STAB2: variants seen among roughly 807,000 people sequenced by gnomAD.
The protein encoded by STAB2 is stabilin 2, also known as stabilin-2.
STAB2 carries 288 observed loss-of-function variants against 338.1 expected under a neutral mutation model. The observed-to-expected ratio is 0.85, with a 90% CI of 0.77 to 0.94. The LOEUF is 0.94. Ranked by LOEUF, STAB2 falls within the 40% of genes least tolerant of loss-of-function variation. The pLI is 0.00. For missense variants in STAB2, 3,141 were observed against 3,210.1 expected (o/e 0.98, Z 0.52); for synonymous variants, 1,202 against 1,193.3 (o/e 1.01, Z -0.15).
chr12:103,607,435 G>T (rs761394028), intron 3 of STAB2, among the ~76,000 whole-genome samples: 1 of 148,940 alleles, frequency 6.7e-6, no homozygotes, highest in African/African-American at 2.5e-5. Flanking sequence ...TGTGCGCAAC[G>T]TGCAGGTTTG....
At chr12:103,654,513 G>C in intron 12 of STAB2, 42 bp from the exon 13 acceptor site, 1 of 1,594,388 alleles carries the variant, frequency 6.3e-7, no homozygotes, top group Non-Finnish European at 8.5e-7. Flanking sequence ...CTCCTTCCAG[G>C]ACACCATAGT....
rs149586117 is a variant in STAB2 at position 103,692,260 on chromosome 12, A to G, written c.3298-552A>G. On this transcript the variant is annotated intron_variant, in intron 30 of 68. Coordinates refer to ENST00000388887, the MANE Select transcript of STAB2 (RefSeq NM_017564.10). ...TCTGTACAAATTCCTGCTTCTTGTG[A>G]GAACACCAGTCAAATTGGATTAGGG... is the stretch of plus-strand genomic sequence containing the variant. Among the ~76,000 whole-genome samples the G allele has an allele frequency of 1.0e-3, 154 of 152,266 alleles. 1 individual carries two copies. The highest frequency in any genetic ancestry group is 3.4e-3 in the Middle Eastern group (1 of 294).
At position 103,705,608 on chromosome 12, in the gene STAB2, G is replaced by A. The variant is rs368396187; in HGVS notation, c.3901-24G>A. The A allele has an allele frequency of 4.5e-5, 73 of 1,610,064 alleles. No homozygotes were observed. The African/African-American group carries it at 6.8e-4, about 15-fold the overall frequency. ...AAAACTTTTTCCTAACTTAGGAGCT[G>A]ACGTAGTCATTAATATTTCACAGGG... On this transcript the variant is annotated intron_variant, in intron 36 of 68. Coordinates refer to ENST00000388887, the MANE Select transcript of STAB2 (RefSeq NM_017564.10).
At chr12:103,627,900 G>A (rs1305896095) in intron 5 of STAB2, among the ~76,000 whole-genome samples, 1 of 152,206 alleles carries the variant, frequency 6.6e-6, no homozygotes, top group Non-Finnish European at 1.5e-5. Flanking sequence ...TACACTGTGA[G>A]CTCCTGGACT....
intron 26 of STAB2, among the ~76,000 whole-genome samples, 164 bp from the exon 27 acceptor site, chr12:103,684,825 A>G (rs1280773924): frequency 6.6e-6 from 1 of 152,258 alleles, no homozygotes; most frequent in Admixed American, 6.5e-5. Context: ...ACATGCAGAC[A>G]GGAGACTTTC....
chr12:103,671,192 C>G (rs1875750537), intron 22 of STAB2, among the ~76,000 whole-genome samples: 1 of 152,210 alleles, frequency 6.6e-6, no homozygotes, highest in Non-Finnish European at 1.5e-5. Context: ...TGGCTCACAC[C>G]TGTAATCCCA....
rs762770676 is a variant in STAB2 at position 103,683,297 on chromosome 12, A to G, written c.2898A>G (p.Pro966=). 1 of 1,602,558 alleles carries G rather than the reference A, an allele frequency of 6.2e-7. No homozygotes were observed. Among genetic ancestry groups the G allele is most frequent in the Non-Finnish European group, 8.5e-7 (1 of 1,173,592 alleles). Residue 966 remains proline (P), a synonymous_variant, in exon 26 of 69, where the codon CCA becomes CCG. Coordinates refer to ENST00000388887, the MANE Select transcript of STAB2 (RefSeq NM_017564.10). ...SCLEQTGKCH[P]LASCQSTSSG... is the part of the protein sequence containing the mutation. ...TGGAACAAACCGGGAAATGTCATCC[A>G]TTGGTGAGTTATTTAACCTTGTTTT...
chr12:103,733,572 A>G (rs1223568343), intron 51 of STAB2, among the ~76,000 whole-genome samples: 1 of 152,236 alleles, frequency 6.6e-6, no homozygotes, highest in Non-Finnish European at 1.5e-5. Flanking sequence ...CAAATGACTG[A>G]TTGATCCAGC....
At chr12:103,655,157 TA>T in intron 13 of STAB2, 93 bp from the exon 14 acceptor site, 1 of 1,205,386 alleles carries the variant, frequency 8.3e-7, no homozygotes, top group South Asian at 1.4e-5. Context: ...TACTGACACA[TA>T]AACTCTGTCA....
intron 60 of STAB2, among the ~76,000 whole-genome samples, chr12:103,752,490 G>A (rs1883754698): frequency 6.6e-6 from 1 of 152,180 alleles, no homozygotes; most frequent in Non-Finnish European, 1.5e-5. Flanking sequence ...ACTATTGCTG[G>A]TGTCTGCACT....
chr12:103,761,456 G>A (rs1284341927), intron 66 of STAB2, 46 bp downstream of exon 66: 1 of 1,543,554 alleles, frequency 6.5e-7, no homozygotes, highest in African/African-American at 1.4e-5. Flanking sequence ...GAGCCCCGGT[G>A]CCCACTCACC....
chr12:103,713,459 G>A (rs528173022), intron 41 of STAB2, among the ~76,000 whole-genome samples, 184 bp from the exon 42 acceptor site: 100 of 152,312 alleles, frequency 6.6e-4, no homozygotes, highest in Admixed American at 1.0e-3. Context: ...GCTAATAAAA[G>A]CAGCTAGAAA....
chr12:103,690,550 G>A lies in STAB2; in HGVS notation c.3297+12G>A, dbSNP rs1297631987. ...CAAAGGTGGATGGGGTAAGAGCTCT[G>A]GAATTTGTCTGTTTACTTGAAACAT... On this transcript the variant is annotated intron_variant, in intron 30 of 68. Transcript: ENST00000388887. The A allele has an allele frequency of 6.2e-7, 1 of 1,604,340 alleles. No individual in the cohort carries two copies. The highest frequency in any genetic ancestry group is 1.1e-5 in the South Asian group (1 of 89,464).
At chr12:103,728,214 T>C (rs2139066937) in intron 47 of STAB2, among the ~76,000 whole-genome samples, 1 of 152,310 alleles carries the variant, frequency 6.6e-6, no homozygotes, top group East Asian at 1.9e-4. Context: ...TGCAGTGCCA[T>C]GATCTCGGCT....
intron 9 of STAB2, among the ~76,000 whole-genome samples, chr12:103,645,229 C>T (rs1251848155): frequency 6.6e-6 from 1 of 152,168 alleles, no homozygotes; most frequent in Non-Finnish European, 1.5e-5. Flanking sequence ...AAAACAATTT[C>T]CTAAAGAGGT....
intron 12 of STAB2, among the ~76,000 whole-genome samples, chr12:103,653,170 C>T (rs73189803): frequency 0.024 from 3,650 of 152,142 alleles, 48 homozygotes; most frequent in Non-Finnish European, 0.038. Flanking sequence ...TAAACCCATC[C>T]TCCCCCACCC....
In STAB2 at chr12:103,591,062, A is replaced by G. The variant is rs370207114; in HGVS notation, c.215+32A>G. Reference sequence around the variant, plus strand: ...ATGAGAAAATAAACGTGATGGAACTATGAATCCAACTTGAAGCTCCCTGTC... The same window carrying G: ...ATGAGAAAATAAACGTGATGGAACTGTGAATCCAACTTGAAGCTCCCTGTC... On this transcript the variant is annotated intron_variant, in intron 2 of 68. Coordinates refer to ENST00000388887, the MANE Select transcript of STAB2 (RefSeq NM_017564.10). 3.8e-5 allele frequency: 62 copies of G among 1,611,606 alleles called. No homozygotes were observed. In the African/African-American group the frequency reaches 7.1e-4, roughly 18 times the overall value.
chr12:103,611,018 C>T (rs1277353386), intron 3 of STAB2, among the ~76,000 whole-genome samples: 8 of 152,064 alleles, frequency 5.3e-5, no homozygotes, highest in Non-Finnish European at 7.4e-5. Flanking sequence ...TTCTTAATCC[C>T]GAGTTCTAGT....
chr12:103,601,590 T>G (rs536501243), intron 3 of STAB2, among the ~76,000 whole-genome samples: 2 of 152,240 alleles, frequency 1.3e-5, no homozygotes, highest in South Asian at 4.1e-4. Context: ...AGACTCCATG[T>G]CAAAAAGAAA....
Sources: allele counts gnomAD v4.1 joint callset (sites outside exome capture counted in the v4.1 genomes callset), GRCh38; gene constraint gnomAD v4.1.1; transcripts MANE v1.5; gene names NCBI Gene and HGNC (gene_info 2026-07-23, HGNC 2026-07-21).